Variants in KLHDC10 observed in about 807,000 individuals in gnomAD.
KLHDC10 encodes kelch domain-containing protein 10.
In KLHDC10, 24 loss-of-function variants were observed where a neutral mutation model predicts 56.1. The observed-to-expected ratio is 0.43, with a 90% CI of 0.31 to 0.60. KLHDC10 has a LOEUF of 0.60. KLHDC10 is among the 20% of genes least tolerant of loss of function. The pLI is 0.11. For missense variants in KLHDC10, 349 were observed against 567.0 expected, an observed-to-expected ratio of 0.62 and a Z score of 3.91; for synonymous variants, 188 against 207.1, an observed-to-expected ratio of 0.91 and a Z score of 0.79.
At chr7:130,103,484 A>G (rs1414368015) in intron 2 of KLHDC10, among the ~76,000 whole-genome samples, 2 of 152,068 alleles carry the variant, frequency 1.3e-5, no homozygotes, top group African/African-American at 4.8e-5. Context: ...ATAAAGGACC[A>G]AACAGGAAAA....
Position 130,124,448 on chromosome 7 carries a change from C to T in KLHDC10, c.780-3C>T. The T allele has an allele frequency of 6.3e-7, 1 of 1,576,490 alleles. No homozygotes were observed. Among genetic ancestry groups the T allele is most frequent in the Non-Finnish European group, 8.7e-7 (1 of 1,147,798 alleles). ...ATAAATGAATTTTATTGTAAATTTT[C>T]AGATACCGACATGAAATTGCACATG... On this transcript the variant is annotated splice_region_variant and splice_polypyrimidine_tract_variant and intron_variant, in intron 5 of 9. Transcript: ENST00000335420.
At chr7:130,127,276 A>G in intron 7 of KLHDC10, 128 bp from the exon 8 acceptor site, 1 of 742,270 alleles carries the variant, frequency 1.3e-6, no homozygotes. Flanking sequence ...GGACTAGTCA[A>G]TGTTTGCTTA....
intron 2 of KLHDC10, among the ~76,000 whole-genome samples, chr7:130,103,418 CA>C (rs57094210): frequency 0.023 from 2,106 of 92,656 alleles, 41 homozygotes; most frequent in African/African-American, 0.061. Context: ...GAGCAAGACT[CA>C]AAAAAAAAAA....
intron 1 of KLHDC10, among the ~76,000 whole-genome samples, chr7:130,091,846 A>G (rs1584624389): frequency 6.6e-6 from 1 of 152,164 alleles, no homozygotes; most frequent in African/African-American, 2.4e-5. Context: ...AAACAATCCA[A>G]TTATATATCT....
intron 5 of KLHDC10, 131 bp from the exon 6 acceptor site, chr7:130,124,320 A>G: frequency 1.7e-6 from 1 of 599,528 alleles, no homozygotes; most frequent in Non-Finnish European, 3.0e-6. Context: ...CCAATTCACT[A>G]TTGTTAAACG....
At chr7:130,090,844 CA>C in intron 1 of KLHDC10, among the ~76,000 whole-genome samples, 2 of 151,818 alleles carry the variant, frequency 1.3e-5, no homozygotes, top group Middle Eastern at 3.4e-3. Flanking sequence ...GTGGCCACCA[CA>C]GTCAAGATAC....
intron 1 of KLHDC10, among the ~76,000 whole-genome samples, chr7:130,072,747 A>AATTTATTTATTT (rs77300024): frequency 1.3e-3 from 200 of 148,506 alleles, no homozygotes; most frequent in Admixed American, 3.9e-3. Context: ...TTTTATTTTA[A>AATTTATTTATTT]ATTTATTTAT....
At chr7:130,113,660 A>G (rs539840596) in intron 2 of KLHDC10, among the ~76,000 whole-genome samples, 1 of 146,562 alleles carries the variant, frequency 6.8e-6, no homozygotes, top group South Asian at 2.2e-4. Flanking sequence ...GTGAGTGAGT[A>G]GAGAAATATG....
At chr7:130,099,949 T>C (rs563223941) in intron 2 of KLHDC10, among the ~76,000 whole-genome samples, 1 of 151,848 alleles carries the variant, frequency 6.6e-6, no homozygotes, top group Non-Finnish European at 1.5e-5. Context: ...CATGCACGCA[T>C]GTACAATTAG....
chr7:130,114,946 G>A (rs1425317173), intron 2 of KLHDC10, among the ~76,000 whole-genome samples: 2 of 152,062 alleles, frequency 1.3e-5, no homozygotes, highest in African/African-American at 4.8e-5. Flanking sequence ...TTGGGCAGGG[G>A]ACTTGATACT....
chr7:130,085,533 G>A (rs1795675718), intron 1 of KLHDC10, among the ~76,000 whole-genome samples: 2 of 150,858 alleles, frequency 1.3e-5, no homozygotes, highest in African/African-American at 2.4e-5. Context: ...GGTAGGATAA[G>A]GTTTTAAAAT....
intron 2 of KLHDC10, among the ~76,000 whole-genome samples, chr7:130,112,502 A>G (rs1796115230): frequency 6.6e-6 from 1 of 152,236 alleles, no homozygotes; most frequent in African/African-American, 2.4e-5. Flanking sequence ...ATTAGCAGCA[A>G]GTAATTTTTA....
intron 1 of KLHDC10, among the ~76,000 whole-genome samples, chr7:130,079,650 GT>G (rs1192884691): frequency 6.6e-6 from 1 of 151,444 alleles, no homozygotes; most frequent in African/African-American, 2.4e-5. Context: ...TTTCCTTTCT[GT>G]TTTTTTTATT....
chr7:130,092,429 G>A (rs1023942275), intron 1 of KLHDC10, among the ~76,000 whole-genome samples: 2 of 151,974 alleles, frequency 1.3e-5, no homozygotes, highest in Non-Finnish European at 1.5e-5. Context: ...CATCTTTATC[G>A]TGAGTCCTAG....
chr7:130,090,767 CGTGTGTGTGTGTGTGT>C lies in KLHDC10; in HGVS notation c.167-6141_167-6126del, dbSNP rs57061414. ...AGATTTCATCAGTTTTACACATACTCGTGTGTGTGTGTGTGTGTGTGTGTGTGTATCATATTCTGTA... is the reference window on the plus strand; with the variant it reads ...AGATTTCATCAGTTTTACACATACTCGTGTGTGTGTGTATCATATTCTGTA... On this transcript the variant is annotated intron_variant, in intron 1 of 9. Transcript: ENST00000335420. Among the ~76,000 whole-genome samples the C allele has an allele frequency of 7.5e-4, 111 of 148,254 alleles. No individual in the cohort carries two copies. The East Asian group carries it at 0.021, about 27-fold the overall frequency.
intron 6 of KLHDC10, among the ~76,000 whole-genome samples, chr7:130,124,746 A>G (rs983819246): frequency 6.6e-6 from 1 of 152,212 alleles, no homozygotes; most frequent in Non-Finnish European, 1.5e-5. Context: ...ACACACTGAA[A>G]ATACTTTATA....
In KLHDC10 at chr7:130,130,337, C is replaced by CATATATATATATATATATAT. The variant is rs72380761; in HGVS notation, c.1120-183_1120-182insTATATATATATATATATATA. On this transcript the variant is annotated intron_variant, in intron 9 of 9. Coordinates refer to ENST00000335420, the MANE Select transcript of KLHDC10 (RefSeq NM_014997.4). The surrounding 1 kb of genome is among the most constrained non-coding windows in gnomAD (Gnocchi z 4.2). ...ACTCTGTCTCAAAAAAAAAAAAAAT[C>CATATATATATATATATATAT]ATATATATATATATATAGTTTTTCC... Among the ~76,000 whole-genome samples, 247 of 140,804 alleles carry CATATATATATATATATATAT rather than the reference C, an allele frequency of 1.8e-3. 1 individual carries two copies. Among genetic ancestry groups the CATATATATATATATATATAT allele is most frequent in the African/African-American group, 6.3e-3 (231 of 36,932 alleles). The allele number at this position is 140,804 out of a possible 152,430, so 92.4% of individuals were successfully genotyped here.
chr7:130,116,555 A>G lies in KLHDC10; in HGVS notation c.364A>G (p.Asn122Asp), dbSNP rs756138202. 1 of 1,613,926 alleles carries G rather than the reference A, an allele frequency of 6.2e-7. No individual in the cohort carries two copies. Among genetic ancestry groups the G allele is most frequent in the African/African-American group, 1.3e-5 (1 of 74,934 alleles). Residue 122 changes from asparagine to aspartate, a missense_variant, in exon 3 of 10, where the codon AAT becomes GAT. This residue lies in a region of KLHDC10 where 245 missense variants were observed against 470.1 expected (regional missense o/e 0.52). Transcript: ENST00000335420. The surrounding 1 kb of genome is among the most constrained non-coding windows in gnomAD (Gnocchi z 4.8). ...TTATGATGAATCGGGAGGGCCTGAT[A>G]ATGAAGACTATCCTCTCTTCAGGGA... ...PDYDESGGPD[N>D]EDYPLFRELW...
At chr7:130,092,174 C>A (rs949906594) in intron 1 of KLHDC10, among the ~76,000 whole-genome samples, 3 of 152,306 alleles carry the variant, frequency 2.0e-5, no homozygotes, top group Non-Finnish European at 2.9e-5. Flanking sequence ...AATACTGTAT[C>A]TTTCCAGAAA....
Sources: allele counts gnomAD v4.1 joint callset (sites outside exome capture counted in the v4.1 genomes callset), GRCh38; gene constraint gnomAD v4.1.1; regional missense constraint gnomAD v4.1.1; non-coding constraint Gnocchi (gnomAD v3.1); transcripts MANE v1.5; gene names NCBI Gene and HGNC (gene_info 2026-07-23, HGNC 2026-07-21).